DENND2B: variants seen among roughly 807,000 people sequenced by gnomAD.
The protein encoded by DENND2B is DENN domain-containing protein 2B.
In DENND2B, 32 loss-of-function variants were observed where a neutral mutation model predicts 116.0. That is an observed-to-expected ratio of 0.28 (90% CI 0.21 to 0.37). The LOEUF (loss-of-function observed/expected upper bound fraction) is 0.37, where lower values mean the gene tolerates loss of function less well. Ranked by LOEUF, DENND2B falls within the 10% of genes least tolerant of loss-of-function variation. The probability of loss-of-function intolerance (pLI) is 1.00; values close to 1 mark genes in which losing one functional copy is unlikely to be tolerated. For synonymous variants in DENND2B, 588 were observed against 583.9 expected (o/e 1.01, Z -0.10); for missense variants, 1,276 against 1,477.7 (o/e 0.86, Z 2.24).
Position 8,817,287 on chromosome 11 carries a change from C to T in DENND2B, c.-114-5952G>A, listed in dbSNP as rs184460600. On this transcript the variant is annotated intron_variant, in intron 4 of 6. Transcript: ENST00000524757. Reference sequence around the variant, plus strand: ...TTCTCTACCTGGGTGCTATGAGGGCCTTCAGATCAACAAAACAAATGTCTT... The same window carrying T: ...TTCTCTACCTGGGTGCTATGAGGGCTTTCAGATCAACAAAACAAATGTCTT... 2.0e-5 allele frequency among the ~76,000 whole-genome samples: 3 copies of T among 152,250 alleles called. No individual in the cohort carries two copies. In the East Asian group the frequency reaches 5.8e-4, roughly 29 times the overall value.
chr11:8,908,681 C>T (rs1426837245), intron 1 of DENND2B, among the ~76,000 whole-genome samples: 1 of 152,218 alleles, frequency 6.6e-6, no homozygotes, highest in Non-Finnish European at 1.5e-5. Context: ...ACATTCTCTG[C>T]AAAACCTTTC....
intron 2 of DENND2B, among the ~76,000 whole-genome samples, chr11:8,736,715 C>T (rs1283506290): frequency 6.6e-6 from 1 of 152,144 alleles, no homozygotes; most frequent in Non-Finnish European, 1.5e-5. Flanking sequence ...CTACTGTATT[C>T]CAGGGGCAAC....
chr11:8,818,655 G>A (rs2061660746), intron 4 of DENND2B, among the ~76,000 whole-genome samples: 1 of 152,050 alleles, frequency 6.6e-6, no homozygotes, highest in South Asian at 2.1e-4. Flanking sequence ...CCACTGCCTT[G>A]TGTGACTGCA....
intron 1 of DENND2B, among the ~76,000 whole-genome samples, chr11:8,796,213 C>T (rs980517926): frequency 6.6e-5 from 10 of 152,258 alleles, no homozygotes; most frequent in African/African-American, 2.4e-4. Flanking sequence ...GCCTTCACTA[C>T]TGATAGAATC....
intron 3 of DENND2B, among the ~76,000 whole-genome samples, chr11:8,852,386 T>C (rs2063039603): frequency 6.6e-6 from 1 of 152,132 alleles, no homozygotes; most frequent in Non-Finnish European, 1.5e-5. Flanking sequence ...TCCCAACACT[T>C]TGGGAGGCCA....
intron 4 of DENND2B, among the ~76,000 whole-genome samples, chr11:8,721,894 C>T (rs1419640129): frequency 6.6e-6 from 1 of 152,258 alleles, no homozygotes; most frequent in Non-Finnish European, 1.5e-5. Context: ...AACGCTCCCT[C>T]AGCCCAGGCT....
At chr11:8,779,370 G>C (rs1318655407) in intron 1 of DENND2B, among the ~76,000 whole-genome samples, 4 of 152,184 alleles carry the variant, frequency 2.6e-5, no homozygotes, top group Admixed American at 2.0e-4. Context: ...GCCCTAGCAG[G>C]TATGGAGGAA....
At chr11:8,694,166 G>A (rs768011310) in intron 19 of DENND2B, 36 bp from the exon 20 acceptor site, 2 of 1,613,526 alleles carry the variant, frequency 1.2e-6, no homozygotes, top group East Asian at 2.2e-5. Context: ...AATGTTCAGT[G>A]TTATCCCTTC....
chr11:8,709,540 C>T (rs1840822297), intron 11 of DENND2B, among the ~76,000 whole-genome samples: 1 of 152,198 alleles, frequency 6.6e-6, no homozygotes, highest in African/African-American at 2.4e-5. Flanking sequence ...ATGCTGGCCT[C>T]TGCCTGGCTC....
intron 1 of DENND2B, chr11:8,808,765 A>C (rs1202099070): frequency 1.3e-5 from 2 of 152,112 alleles, no homozygotes; most frequent in Non-Finnish European, 2.9e-5. Flanking sequence ...AGTCCTGTGA[A>C]GTTGTTCTTA....
intron 11 of DENND2B, among the ~76,000 whole-genome samples, chr11:8,710,557 A>G (rs1037430434): frequency 7.9e-5 from 12 of 151,918 alleles, no homozygotes; most frequent in African/African-American, 2.9e-4. Context: ...GTAGAGAAAA[A>G]CTAAAAAGAC....
intron 1 of DENND2B, among the ~76,000 whole-genome samples, chr11:8,906,925 G>T (rs11042116): frequency 6.6e-6 from 1 of 151,996 alleles, no homozygotes; most frequent in South Asian, 2.1e-4. Flanking sequence ...GGTATGTACA[G>T]TATAAATCAC....
rs1307869589 is a variant in DENND2B at position 8,880,935 on chromosome 11, CA to C, written c.-156+74del. 4.0e-4 allele frequency: 61 copies of C among 152,176 alleles called. 1 individual carries two copies. Among genetic ancestry groups the C allele is most frequent in the Admixed American group, 4.0e-3 (61 of 15,272 alleles). The allele number at this position is 152,176 out of a possible 1,614,324, so 9.4% of individuals were successfully genotyped here. A position where few individuals can be genotyped will look rare whatever the true frequency, so the allele number is the denominator to read the frequency against. On this transcript the variant is annotated intron_variant, in intron 2 of 22. Coordinates refer to the DENND2B transcript ENST00000534127. Reference sequence around the variant, plus strand: ...TCCCTCAACTTTCCCTTACCATGTCCAAATGTATCTTCATTCCCCCATCTCC... The same window carrying C: ...TCCCTCAACTTTCCCTTACCATGTCCAATGTATCTTCATTCCCCCATCTCC...
At chr11:8,779,493 CT>C (rs1383959414) in intron 1 of DENND2B, among the ~76,000 whole-genome samples, 1,919 of 146,826 alleles carry the variant, frequency 0.013, 22 homozygotes, top group Middle Eastern at 0.053. Context: ...CTTTTTCTTT[CT>C]TTTCTTTCTT....
chr11:8,709,781 A>G, intron 11 of DENND2B, among the ~76,000 whole-genome samples: 1 of 152,150 alleles, frequency 6.6e-6, no homozygotes, highest in East Asian at 1.9e-4. Context: ...TATTGTGATC[A>G]TTTTCTTTTA....
At chr11:8,762,680 G>A (rs926486072) in intron 1 of DENND2B, among the ~76,000 whole-genome samples, 1 of 152,180 alleles carries the variant, frequency 6.6e-6, no homozygotes, top group South Asian at 2.1e-4. Context: ...GACCAACATG[G>A]AGAAATCTCA....
intron 1 of DENND2B, among the ~76,000 whole-genome samples, chr11:8,767,802 T>G (rs536903085): frequency 6.6e-6 from 1 of 152,278 alleles, no homozygotes; most frequent in Non-Finnish European, 1.5e-5. Context: ...CTTTCAATAC[T>G]GAGATTCCTA....
intron 2 of DENND2B, among the ~76,000 whole-genome samples, chr11:8,735,806 T>C (rs1371704716): frequency 6.6e-6 from 1 of 152,168 alleles, no homozygotes; most frequent in Non-Finnish European, 1.5e-5. Flanking sequence ...AGGGACACAA[T>C]GGGAGCCAGG....
intron 3 of DENND2B, among the ~76,000 whole-genome samples, chr11:8,854,544 T>C (rs950789587): frequency 6.6e-6 from 1 of 152,146 alleles, no homozygotes; most frequent in East Asian, 1.9e-4. Context: ...ATAATTTCTA[T>C]TCTGTAGTTT....
Sources: gnomAD v4.1 joint callset for allele counts (sites outside exome capture counted in the v4.1 genomes callset) on GRCh38, gnomAD v4.1.1 for gene constraint, MANE v1.5 for transcripts, NCBI Gene and HGNC (gene_info 2026-07-23, HGNC 2026-07-21) for gene names.